The following SMCHD1 variants were observed in gnomAD, a reference collection of about 807,000 sequenced individuals.
SMCHD1 encodes the protein structural maintenance of chromosomes flexible hinge domain-containing protein 1.
Under a neutral mutation model 254.7 loss-of-function variants are expected in SMCHD1, and 78 were observed. The ratio of observed to expected loss-of-function variants is 0.31; its 90% CI spans 0.26 to 0.37. SMCHD1 has a LOEUF of 0.37. Ranked by LOEUF, SMCHD1 falls within the 10% of genes least tolerant of loss-of-function variation. The probability of loss-of-function intolerance (pLI) is 1.00; values close to 1 mark genes in which losing one functional copy is unlikely to be tolerated. For missense variants in SMCHD1, 1,840 were observed against 2,408.1 expected, an observed-to-expected ratio of 0.76 and a Z score of 4.94; for synonymous variants, 766 against 794.9, an observed-to-expected ratio of 0.96 and a Z score of 0.61.
chr18:2,697,483 G>A (rs771068801), intron 9 of SMCHD1, among the ~76,000 whole-genome samples: 26 of 152,176 alleles, frequency 1.7e-4, no homozygotes, highest in Non-Finnish European at 3.2e-4. Context: ...GAGCATTTGA[G>A]TATTGGATTC....
intron 40 of SMCHD1, 114 bp downstream of exon 40, chr18:2,771,732 C>T (rs1280199340): frequency 9.6e-6 from 7 of 731,308 alleles, no homozygotes; most frequent in East Asian, 3.1e-5. Context: ...GGTACAAAGA[C>T]GTGCATTATC....
rs763782013 is a variant in SMCHD1 at position 2,706,378 on chromosome 18, A to C, written c.1971A>C (p.Leu657=). 4.4e-6 allele frequency: 7 copies of C among 1,580,688 alleles called. No homozygotes were observed. In the African/African-American group the frequency reaches 8.1e-5, roughly 18 times the overall value. The change falls in exon 15 of 48, where the codon CTA becomes CTC. Residue 657 remains leucine (L), a synonymous_variant. Coordinates refer to ENST00000320876, the MANE Select transcript of SMCHD1 (RefSeq NM_015295.3). ...TATTTATTCAGGAACCTCAGGCACT[A>C]TATGATGAAGTAAGAACTGTGCCAA... ...EVQIAMEPQA[L]YDEVRTVPIA... is the part of the protein sequence containing the mutation.
At chr18:2,791,015 C>G (rs934635650) in intron 45 of SMCHD1, among the ~76,000 whole-genome samples, 1 of 151,642 alleles carries the variant, frequency 6.6e-6, no homozygotes, top group South Asian at 2.1e-4. Flanking sequence ...CCAAGGTAAT[C>G]AAAGATGAAA....
chr18:2,655,912 G>C lies in SMCHD1; in HGVS notation c.-164G>C. 1 of 427,308 alleles carries C rather than the reference G, an allele frequency of 2.3e-6. No homozygotes were observed. The highest frequency in any genetic ancestry group is 3.9e-6 in the Non-Finnish European group (1 of 258,878). The allele number at this position is 427,308 out of a possible 1,614,324, so 26.5% of individuals were successfully genotyped here. On this transcript the variant is annotated 5_prime_UTR_variant, in exon 1 of 48. Coordinates refer to ENST00000320876, the MANE Select transcript of SMCHD1 (RefSeq NM_015295.3). Reference sequence around the variant, plus strand: ...GAATCGGTTCCCGGGTGATCCTCGCGCCTGCCGCTGCTCGGCCGCCGCCGC... The same window carrying C: ...GAATCGGTTCCCGGGTGATCCTCGCCCCTGCCGCTGCTCGGCCGCCGCCGC...
rs763226355 is a variant in SMCHD1, at chr18:2,708,867, C to CATATATATATAT, written c.2260+977_2260+988dup. ...TCCCTGCTTCTATTTTCAATAACTT[C>CATATATATATAT]ATATATATATATATATATATATATA... On this transcript the variant is annotated intron_variant, in intron 17 of 47. Transcript: ENST00000320876. Among the ~76,000 whole-genome samples the CATATATATATAT allele has an allele frequency of 9.6e-4, 8 of 8,294 alleles. 1 individual carries two copies. The highest frequency in any genetic ancestry group is 1.7e-3 in the Non-Finnish European group (6 of 3,580). 5.4% of individuals were successfully genotyped at this position (8,294 alleles called of 152,430 possible). A position where few individuals can be genotyped will look rare whatever the true frequency, so the allele number is the denominator to read the frequency against.
rs757820763 is a variant in SMCHD1, at chr18:2,722,683, T to C, written c.2603+20T>C. ...AGCAAGGTAATTTGAAGGATCAATATGTATTTGTCCTTTGATATTTGCTAA... is the reference window on the plus strand; with the variant it reads ...AGCAAGGTAATTTGAAGGATCAATACGTATTTGTCCTTTGATATTTGCTAA... On this transcript the variant is annotated intron_variant, in intron 20 of 47. Transcript: ENST00000320876. The C allele has an allele frequency of 3.8e-6, 6 of 1,596,156 alleles. No homozygotes were observed. Among genetic ancestry groups the C allele is most frequent in the African/African-American group, 1.3e-5 (1 of 74,156 alleles).
chr18:2,707,639 C>G lies in SMCHD1; in HGVS notation c.2140C>G (p.Pro714Ala). 2 of 1,591,062 alleles carry G rather than the reference C, an allele frequency of 1.3e-6. No homozygotes were observed. The highest frequency in any genetic ancestry group is 1.7e-6 in the Non-Finnish European group (2 of 1,166,644). ...TAATGAGGTTAGGCCTGCTGGAACC[C>G]CTATTGGTATGTTTGTTTATTTTTC... ...LPNEVRPAGT[P>A]IGALRIEILN... Residue 714 changes from proline to alanine, a missense_variant, in exon 16 of 48, where the codon CCT (proline) becomes GCT (alanine). This residue lies in a region of SMCHD1 where 498 missense variants were observed against 743.5 expected (regional missense o/e 0.67). Coordinates refer to ENST00000320876, the MANE Select transcript of SMCHD1 (RefSeq NM_015295.3).
rs552849871 is a variant in SMCHD1, at chr18:2,762,384, A to G, written c.4566+148A>G. 24 of 607,078 alleles carry G rather than the reference A, an allele frequency of 4.0e-5. No individual in the cohort carries two copies. The South Asian group carries it at 6.3e-4, about 16-fold the overall frequency. The allele number at this position is 607,078 out of a possible 1,614,324, so 37.6% of individuals were successfully genotyped here. ...GTGCAGATGAATTAAATATTTATAA[A>G]TATCTTTGTATTTGAATACAAATAG... On this transcript the variant is annotated intron_variant, in intron 36 of 47. Transcript: ENST00000320876.
At chr18:2,685,577 A>G (rs911647283) in intron 5 of SMCHD1, among the ~76,000 whole-genome samples, 1 of 152,030 alleles carries the variant, frequency 6.6e-6, no homozygotes, top group African/African-American at 2.4e-5. Context: ...TGTACCCCCA[A>G]ATTGAAGCTT....
At chr18:2,762,379 T>C in intron 36 of SMCHD1, 143 bp downstream of exon 36, 1 of 616,834 alleles carries the variant, frequency 1.6e-6, no homozygotes, top group Middle Eastern at 3.7e-4. Context: ...ATTAAATATT[T>C]ATAAATATCT....
intron 1 of SMCHD1, among the ~76,000 whole-genome samples, chr18:2,661,676 A>G (rs926651463): frequency 6.6e-6 from 1 of 152,240 alleles, no homozygotes; most frequent in Non-Finnish European, 1.5e-5. Context: ...GCAATACTGG[A>G]TACAATTAGA....
intron 1 of SMCHD1, among the ~76,000 whole-genome samples, chr18:2,657,536 TGGAA>T (rs1363142517): frequency 1.3e-5 from 2 of 152,198 alleles, no homozygotes; most frequent in Non-Finnish European, 2.9e-5. Flanking sequence ...AAAGAAAATA[TGGAA>T]CCAGAGGGGG....
chr18:2,673,245 G>A, intron 3 of SMCHD1, 36 bp from the exon 4 acceptor site: 1 of 1,545,850 alleles, frequency 6.5e-7, no homozygotes, highest in Non-Finnish European at 8.8e-7. Flanking sequence ...TATGTGGGAG[G>A]GAAAAGTTAA....
intron 34 of SMCHD1, among the ~76,000 whole-genome samples, chr18:2,753,697 A>G (rs980835226): frequency 1.2e-4 from 18 of 152,108 alleles, no homozygotes; most frequent in African/African-American, 4.1e-4. Context: ...ATGTGCTGCC[A>G]TGCCCAGCAA....
intron 5 of SMCHD1, among the ~76,000 whole-genome samples, chr18:2,676,998 A>G (rs901786398): frequency 1.3e-5 from 2 of 152,110 alleles, no homozygotes; most frequent in African/African-American, 4.8e-5. Context: ...GATCTCCTTC[A>G]TTCTATGATA....
At chr18:2,741,473 A>G (rs1460127067) in intron 28 of SMCHD1, among the ~76,000 whole-genome samples, 3 of 152,204 alleles carry the variant, frequency 2.0e-5, no homozygotes, top group Non-Finnish European at 4.4e-5. Flanking sequence ...TCCTCCTTTG[A>G]GAGTCTCTAT....
intron 8 of SMCHD1, among the ~76,000 whole-genome samples, chr18:2,695,291 T>C (rs953459718): frequency 7.9e-5 from 12 of 151,542 alleles, no homozygotes; most frequent in African/African-American, 2.9e-4. Flanking sequence ...AATAGTTATT[T>C]AATGGCTCTA....
In SMCHD1 at chr18:2,673,317, C is replaced by T; in HGVS notation, c.461C>T (p.Ser154Phe). The T allele has an allele frequency of 1.3e-6, 2 of 1,585,592 alleles. No homozygotes were observed. Among genetic ancestry groups the T allele is most frequent in the Non-Finnish European group, 1.7e-6 (2 of 1,160,156 alleles). ...GCGGAATTAATTGACAATTCATTGT[C>T]TGCTACTTCTCGTAACATTGGGGTT... ...ALAELIDNSL[S>F]ATSRNIGVRR... is the part of the protein sequence containing the mutation. Residue 154 changes from serine (S) to phenylalanine (F), a missense_variant, in exon 4 of 48, where the codon TCT becomes TTT. Around this residue, in one of 9 missense-constraint regions of SMCHD1, gnomAD observed 498 missense variants for 743.5 expected, o/e 0.67. Transcript: ENST00000320876.
intron 45 of SMCHD1, among the ~76,000 whole-genome samples, 185 bp from the exon 46 acceptor site, chr18:2,795,764 A>G (rs538850250): frequency 1.3e-5 from 2 of 152,330 alleles, no homozygotes; most frequent in South Asian, 2.1e-4. Flanking sequence ...AAATTTAACA[A>G]TTTTGTGCTG....
Sources: allele counts gnomAD v4.1 joint callset (sites outside exome capture counted in the v4.1 genomes callset), GRCh38; gene constraint gnomAD v4.1.1; regional missense constraint gnomAD v4.1.1; transcripts MANE v1.5; gene names NCBI Gene and HGNC (gene_info 2026-07-23, HGNC 2026-07-21).